FER1L6: variants seen among roughly 807,000 people sequenced by gnomAD.
The protein encoded by FER1L6 is fer-1-like protein 6.
Under a neutral mutation model 219.2 loss-of-function variants are expected in FER1L6, and 177 were observed. The ratio of observed to expected loss-of-function variants is 0.81; its 90% confidence interval spans 0.71 to 0.91. FER1L6 has a LOEUF of 0.91. FER1L6 is among the 40% of genes least tolerant of loss of function. FER1L6 has a pLI of 0.00. For missense variants in FER1L6, 2,153 were observed against 2,259.9 expected (o/e 0.95, Z 0.96); for synonymous variants, 768 against 824.3 (o/e 0.93, Z 1.17).
chr8:124,020,039 T>G (rs1818388516), intron 16 of FER1L6, among the ~76,000 whole-genome samples: 1 of 152,182 alleles, frequency 6.6e-6, no homozygotes. Context: ...GGGAGGGATC[T>G]GCTGGGAGGT....
At chr8:123,882,521 T>C (rs935791822) in intron 1 of FER1L6, among the ~76,000 whole-genome samples, 7 of 152,218 alleles carry the variant, frequency 4.6e-5, no homozygotes, top group African/African-American at 1.7e-4. Context: ...GACCATATGC[T>C]AGGCATTGAG....
chr8:123,909,786 CCTTGTCAACTAGGGGATGATGTAGCA>C (rs1813019937), intron 1 of FER1L6, among the ~76,000 whole-genome samples: 1 of 150,688 alleles, frequency 6.6e-6, no homozygotes, highest in Non-Finnish European at 1.5e-5. Flanking sequence ...ATGTAGCTGT[CCTTGTCAACTAGGGGATGATGTAGCA>C]ATCAAATGAA....
intron 30 of FER1L6, 109 bp from the exon 31 acceptor site, chr8:124,071,397 G>A: frequency 7.0e-7 from 1 of 1,435,388 alleles, no homozygotes; most frequent in African/African-American, 1.4e-5. Context: ...ACCAAACCAG[G>A]TCCTGCAAAT....
chr8:123,966,299 T>C lies in FER1L6; in HGVS notation c.384+9T>C. 1 of 1,614,006 alleles carries C rather than the reference T, an allele frequency of 6.2e-7. No homozygotes were observed. Among genetic ancestry groups the C allele is most frequent in the Non-Finnish European group, 8.5e-7 (1 of 1,179,926 alleles). On this transcript the variant is annotated intron_variant, in intron 5 of 40. Transcript: ENST00000522917. ...GCCCATTTTATAATGAAGTAAGTCATGGAGGTCACCCACAGCTTTTGCACT... is the reference window on the plus strand; with the variant it reads ...GCCCATTTTATAATGAAGTAAGTCACGGAGGTCACCCACAGCTTTTGCACT...
In FER1L6 at chr8:124,010,710, T is replaced by C; in HGVS notation, c.1817T>C (p.Phe606Ser). ...WSNMLEKMADFLEESIEEVRE... is the reference protein window; with the variant it reads ...WSNMLEKMADSLEESIEEVRE... ...AACATGCTGGAGAAAATGGCAGACT[T>C]CCTGGTAGGTGACTCTGACAGGTGA... Residue 606 changes from phenylalanine to serine, a missense_variant, in exon 14 of 41, where the codon TTC becomes TCC. By Grantham distance (155) the Phe-to-Ser change is radical. Coordinates refer to ENST00000522917, the MANE Select transcript of FER1L6 (RefSeq NM_001039112.2). 1 of 1,613,304 alleles carries C rather than the reference T, an allele frequency of 6.2e-7. No individual in the cohort carries two copies. Among genetic ancestry groups the C allele is most frequent in the Non-Finnish European group, 8.5e-7 (1 of 1,179,788 alleles).
chr8:124,017,810 T>C (rs1818267735), intron 16 of FER1L6, 92 bp downstream of exon 16: 3 of 958,362 alleles, frequency 3.1e-6, no homozygotes, highest in Non-Finnish European at 4.8e-6. Flanking sequence ...GGTTGAGGTT[T>C]AAAGGTCATA....
At chr8:123,945,458 C>G (rs923360823) in intron 1 of FER1L6, among the ~76,000 whole-genome samples, 2 of 152,212 alleles carry the variant, frequency 1.3e-5, no homozygotes, top group African/African-American at 4.8e-5. Flanking sequence ...TTTTATAAAG[C>G]CTCTCCAAAA....
Position 123,928,110 on chromosome 8 carries a change from G to A in FER1L6, c.-7-27882G>A, listed in dbSNP as rs1050587417. 2.0e-5 allele frequency among the ~76,000 whole-genome samples: 3 copies of A among 152,160 alleles called. No homozygotes were observed. In the South Asian group the frequency reaches 6.2e-4, roughly 32 times the overall value. On this transcript the variant is annotated intron_variant, in intron 1 of 40. Coordinates refer to ENST00000522917, the MANE Select transcript of FER1L6 (RefSeq NM_001039112.2). ...AAAAATCTTCTCATATTTTCCTTAC[G>A]AAATCTTAATAAATGCTTAACTTTG...
At chr8:124,089,337 C>G (rs1266319099) in intron 33 of FER1L6, among the ~76,000 whole-genome samples, 1 of 152,180 alleles carries the variant, frequency 6.6e-6, no homozygotes, top group Non-Finnish European at 1.5e-5. Context: ...TCTTCCTTCC[C>G]TAAGTGCACA....
chr8:124,061,718 T>C (rs963747257), intron 24 of FER1L6, 134 bp from the exon 25 acceptor site: 27 of 757,250 alleles, frequency 3.6e-5, no homozygotes, highest in Middle Eastern at 7.7e-4. Flanking sequence ...TCCAGAGTTT[T>C]GGCAATCTGC....
intron 1 of FER1L6, among the ~76,000 whole-genome samples, chr8:123,948,426 A>G (rs747241128): frequency 6.6e-6 from 1 of 152,230 alleles, no homozygotes; most frequent in African/African-American, 2.4e-5. Flanking sequence ...ATAATCTCCA[A>G]ATCAAATTGG....
At chr8:124,004,744 A>T (rs1335435361) in intron 13 of FER1L6, among the ~76,000 whole-genome samples, 1 of 152,126 alleles carries the variant, frequency 6.6e-6, no homozygotes, top group African/African-American at 2.4e-5. Flanking sequence ...CATGCGTGTA[A>T]TCCCAGCACT....
chr8:124,106,352 A>C (rs922418139), intron 39 of FER1L6, among the ~76,000 whole-genome samples: 6 of 148,838 alleles, frequency 4.0e-5, no homozygotes, highest in Admixed American at 6.7e-5. Flanking sequence ...AAAAAAAAAA[A>C]AAAAAAAAAC....
At chr8:124,022,069 G>A (rs551876507) in intron 17 of FER1L6, among the ~76,000 whole-genome samples, 2 of 152,268 alleles carry the variant, frequency 1.3e-5, no homozygotes, top group South Asian at 2.1e-4. Flanking sequence ...GTTTAAAAAC[G>A]GCCCTCATAT....
chr8:123,975,945 G>C lies in FER1L6; in HGVS notation c.731G>C (p.Arg244Thr). 6.2e-7 allele frequency: 1 copy of C among 1,613,664 alleles called. No homozygotes were observed. The highest frequency in any genetic ancestry group is 1.1e-5 in the South Asian group (1 of 90,912). ...NGFPLERPWA[R>T]FYVRLYKAEG... ...TTTCCACTGGAGAGACCGTGGGCCA[G>C]ATTCTATGTGAGACTCTACAAAGCA... The change falls in exon 9 of 41, where the codon AGA becomes ACA. Residue 244 changes from arginine to threonine, a missense_variant. Coordinates refer to ENST00000522917, the MANE Select transcript of FER1L6 (RefSeq NM_001039112.2).
chr8:123,902,693 G>A (rs139359617), intron 1 of FER1L6, among the ~76,000 whole-genome samples: 184 of 152,226 alleles, frequency 1.2e-3, no homozygotes, highest in Non-Finnish European at 2.2e-3. Context: ...TGTTAGGTGA[G>A]CCTCCTGACG....
chr8:124,101,419 A>C (rs1224938824), intron 38 of FER1L6, 81 bp downstream of exon 38: 12 of 1,316,238 alleles, frequency 9.1e-6, no homozygotes, highest in Non-Finnish European at 1.3e-5. Context: ...TGATTTAGTT[A>C]CAAGACTAAT....
At chr8:124,005,430 A>G (rs987426267) in intron 13 of FER1L6, among the ~76,000 whole-genome samples, 2 of 152,142 alleles carry the variant, frequency 1.3e-5, no homozygotes, top group African/African-American at 4.8e-5. Context: ...CTGCTTCTGG[A>G]CCTTAGAACA....
intron 39 of FER1L6, 119 bp from the exon 40 acceptor site, chr8:124,118,725 G>T: frequency 1.2e-6 from 1 of 833,230 alleles, no homozygotes; most frequent in Non-Finnish European, 1.8e-6. Flanking sequence ...TCAAAATAAA[G>T]CAGCGGGATA....
Sources: gnomAD v4.1 joint callset for allele counts (sites outside exome capture counted in the v4.1 genomes callset) on GRCh38, gnomAD v4.1.1 for gene constraint, MANE v1.5 for transcripts, NCBI Gene and HGNC (gene_info 2026-07-23, HGNC 2026-07-21) for gene names.